Variants in SUPT3H observed in about 807,000 individuals in gnomAD.
SUPT3H encodes the protein transcription initiation protein SPT3 homolog.
A neutral mutation model predicts 44.3 loss-of-function variants in SUPT3H; 44 were observed. The ratio of observed to expected loss-of-function variants is 0.99; its 90% CI spans 0.78 to 1.28. The LOEUF (loss-of-function observed/expected upper bound fraction) is 1.28, where lower values mean the gene tolerates loss of function less well. Among genes scored for constraint, SUPT3H ranks in the 50% most tolerant of loss-of-function variants. SUPT3H has a pLI of 0.00. For synonymous variants in SUPT3H, 124 were observed against 125.6 expected (o/e 0.99, Z 0.09); for missense variants, 380 against 387.1 (o/e 0.98, Z 0.15).
At chr6:45,028,842 A>G (rs1004024888) in intron 3 of SUPT3H, among the ~76,000 whole-genome samples, 1 of 150,316 alleles carries the variant, frequency 6.7e-6, no homozygotes, top group Non-Finnish European at 1.5e-5. Context: ...TCTAACCATA[A>G]AAATGTTTAT....
intron 2 of SUPT3H, among the ~76,000 whole-genome samples, chr6:45,329,197 T>TAGGG (rs1188429322): frequency 6.6e-6 from 1 of 151,940 alleles, no homozygotes; most frequent in African/African-American, 2.4e-5. Context: ...AAGGAAGCAA[T>TAGGG]TTTACAAAAT....
At chr6:44,901,320 G>A (rs1355599989) in intron 10 of SUPT3H, among the ~76,000 whole-genome samples, 1 of 152,110 alleles carries the variant, frequency 6.6e-6, no homozygotes, top group African/African-American at 2.4e-5. Flanking sequence ...ACGCAGAGAA[G>A]TCCTAAAAGG....
intron 10 of SUPT3H, among the ~76,000 whole-genome samples, chr6:44,866,140 T>C (rs1393788284): frequency 2.0e-5 from 3 of 149,420 alleles, no homozygotes; most frequent in Non-Finnish European, 4.4e-5. Context: ...GCAAAGTAGA[T>C]TGCCTGTCTA....
chr6:44,977,067 C>T (rs750510354), intron 6 of SUPT3H, among the ~76,000 whole-genome samples: 4 of 152,112 alleles, frequency 2.6e-5, no homozygotes, highest in Non-Finnish European at 4.4e-5. Flanking sequence ...TGTCAGTGGC[C>T]ACCAGGCCTA....
chr6:44,964,027 TTAAA>T (rs949286007), intron 6 of SUPT3H, among the ~76,000 whole-genome samples: 15 of 152,088 alleles, frequency 9.9e-5, no homozygotes, highest in Middle Eastern at 3.2e-3. Context: ...ATGTGTTTAT[TTAAA>T]TAAACTCTCT....
chr6:44,814,605 ATCAT>A, intron 11 of SUPT3H, among the ~76,000 whole-genome samples: 1 of 152,158 alleles, frequency 6.6e-6, no homozygotes, highest in East Asian at 1.9e-4. Flanking sequence ...ACTTGTCCGA[ATCAT>A]TCTTTGGTTT....
intron 2 of SUPT3H, among the ~76,000 whole-genome samples, chr6:45,268,769 T>C (rs777233414): frequency 8.5e-5 from 13 of 152,218 alleles, no homozygotes; most frequent in Non-Finnish European, 1.5e-4. Context: ...GAATGTGTGA[T>C]AGTTTCTGAA....
chr6:45,174,104 T>A (rs1219032244), intron 2 of SUPT3H, among the ~76,000 whole-genome samples: 1 of 152,240 alleles, frequency 6.6e-6, no homozygotes, highest in Non-Finnish European at 1.5e-5. Flanking sequence ...CTTCAGCAAC[T>A]AGGCTTCAAC....
At chr6:45,102,370 G>C (rs1192136538) in intron 3 of SUPT3H, among the ~76,000 whole-genome samples, 1 of 152,010 alleles carries the variant, frequency 6.6e-6, no homozygotes, top group African/African-American at 2.4e-5. Context: ...AAAGCAATAA[G>C]AATTAACGAG....
chr6:45,003,291 T>G lies in SUPT3H; in HGVS notation c.504+362A>C, dbSNP rs181752707. Among the ~76,000 whole-genome samples, 165 of 152,220 alleles carry G rather than the reference T, an allele frequency of 1.1e-3. 1 individual carries two copies. The highest frequency in any genetic ancestry group is 3.2e-3 in the Admixed American group (49 of 15,276). On this transcript the variant is annotated intron_variant, in intron 6 of 10. Coordinates refer to ENST00000371459, the MANE Select transcript of SUPT3H (RefSeq NM_003599.4). The stretch of plus-strand genomic sequence containing the variant: ...ACTATATATGCCAACATAAAAGCAG[T>G]AAGAATTAGTTTTGTTTACAAATAA...
intron 2 of SUPT3H, chr6:45,328,278 C>CA (rs748227725): frequency 2.4e-5 from 32 of 1,358,458 alleles, no homozygotes; most frequent in South Asian, 5.8e-5. Context: ...ATAGTGCTTG[C>CA]AAAAAAAAGG....
chr6:45,113,419 C>T (rs1800362662), intron 2 of SUPT3H, among the ~76,000 whole-genome samples: 1 of 152,182 alleles, frequency 6.6e-6, no homozygotes, highest in African/African-American at 2.4e-5. Context: ...ACAAATTAGC[C>T]TTGCTCTTCA....
At chr6:45,077,896 G>A (rs1224809721) in intron 3 of SUPT3H, among the ~76,000 whole-genome samples, 2 of 152,026 alleles carry the variant, frequency 1.3e-5, no homozygotes, top group African/African-American at 4.8e-5. Context: ...GGAAAATAAA[G>A]AATGGTATTA....
At chr6:44,859,713 T>C (rs1447702632) in intron 10 of SUPT3H, among the ~76,000 whole-genome samples, 1 of 152,172 alleles carries the variant, frequency 6.6e-6, no homozygotes, top group Non-Finnish European at 1.5e-5. Flanking sequence ...TGAAAAATCA[T>C]AACATTGAAA....
chr6:45,058,577 G>T (rs1176833118), intron 3 of SUPT3H, among the ~76,000 whole-genome samples: 1 of 152,074 alleles, frequency 6.6e-6, no homozygotes, highest in African/African-American at 2.4e-5. Flanking sequence ...CTTATCAGAA[G>T]TACCTGTGGG....
rs73737824 is a variant in SUPT3H, at chr6:45,012,793, C to T, written c.364+2008G>A. Among the ~76,000 whole-genome samples the T allele has an allele frequency of 8.7e-3, 1,317 of 152,184 alleles. 24 individuals carry two copies. The highest frequency in any genetic ancestry group is 0.03 in the African/African-American group (1,240 of 41,522). ...GATAATACAGTGTAGCAAATCTAGA[C>T]AACTCCCTCCCCTCCCTGGGGCTTG... On this transcript the variant is annotated intron_variant, in intron 5 of 10. Coordinates refer to ENST00000371459, the MANE Select transcript of SUPT3H (RefSeq NM_003599.4).
intron 10 of SUPT3H, among the ~76,000 whole-genome samples, chr6:44,867,776 A>G (rs530850279): frequency 3.9e-5 from 6 of 152,288 alleles, no homozygotes; most frequent in South Asian, 2.1e-4. Flanking sequence ...GCCTTATGAC[A>G]TGGCTGCCTC....
downstream of SUPT3H, among the ~76,000 whole-genome samples, chr6:44,822,294 G>T (rs1767382553): frequency 6.6e-6 from 1 of 152,180 alleles, no homozygotes; most frequent in Non-Finnish European, 1.5e-5. Context: ...ACTCTTTGGA[G>T]TAGCTTCCGG....
intron 6 of SUPT3H, among the ~76,000 whole-genome samples, chr6:44,970,703 G>C (rs1777448492): frequency 6.6e-6 from 1 of 151,942 alleles, no homozygotes; most frequent in Non-Finnish European, 1.5e-5. Flanking sequence ...ATAATATCTA[G>C]ATGAGCTGAA....
Sources: gnomAD v4.1 joint callset for allele counts (sites outside exome capture counted in the v4.1 genomes callset) on GRCh38, gnomAD v4.1.1 for gene constraint, MANE v1.5 for transcripts, NCBI Gene and HGNC (gene_info 2026-07-23, HGNC 2026-07-21) for gene names.